Variants in ASXL1 observed in about 807,000 individuals in gnomAD.
ASXL1 encodes polycomb group protein ASXL1.
Under a neutral mutation model 89.1 loss-of-function variants are expected in ASXL1, and 65 were observed. The ratio of observed to expected loss-of-function variants is 0.73; its 90% CI spans 0.60 to 0.90. The LOEUF (loss-of-function observed/expected upper bound fraction) is 0.90, where lower values mean the gene tolerates loss of function less well. Among genes scored for constraint, ASXL1 ranks in the 40% least tolerant of loss-of-function variants. The pLI, the probability that ASXL1 is intolerant of heterozygous loss-of-function variation, is 0.00. For missense variants in ASXL1, 1,786 were observed against 1,942.9 expected (o/e 0.92, Z 1.52); for synonymous variants, 739 against 746.9 (o/e 0.99, Z 0.17).
intron 4 of ASXL1, among the ~76,000 whole-genome samples, chr20:32,400,158 T>A (rs1404402455): frequency 1.3e-5 from 2 of 152,178 alleles, no homozygotes; most frequent in African/African-American, 4.8e-5. Flanking sequence ...AATGCAGATA[T>A]AACTCTTATA....
intron 4 of ASXL1, among the ~76,000 whole-genome samples, chr20:32,399,578 C>T (rs1391106131): frequency 6.6e-6 from 1 of 150,654 alleles, no homozygotes; most frequent in East Asian, 2.0e-4. Flanking sequence ...ACTCTTTATC[C>T]AAACATTAGG....
chr20:32,371,001 G>A lies in ASXL1; in HGVS notation c.252+1878G>A, dbSNP rs541369598. On this transcript the variant is annotated intron_variant, in intron 4 of 12. Coordinates refer to ENST00000375687, the MANE Select transcript of ASXL1 (RefSeq NM_015338.6). Reference sequence around the variant, plus strand: ...AAAAAAAAAAAAAGCCTTGCGTGGTGGTGTGTGTGCTTATAGTCTTAGCTA... The same window carrying A: ...AAAAAAAAAAAAAGCCTTGCGTGGTAGTGTGTGTGCTTATAGTCTTAGCTA... Among the ~76,000 whole-genome samples, 9 of 150,334 alleles carry A rather than the reference G, an allele frequency of 6.0e-5. No individual in the cohort carries two copies. The South Asian group carries it at 1.5e-3, about 25-fold the overall frequency.
At chr20:32,359,090 C>G in intron 1 of ASXL1, 2 of 593,302 alleles carry the variant, frequency 3.4e-6, no homozygotes, top group Non-Finnish European at 6.0e-6. Flanking sequence ...GGCGAGCTGG[C>G]AGGCCGGCTC....
chr20:32,416,897 A>G (rs946015291), intron 4 of ASXL1, among the ~76,000 whole-genome samples: 9 of 152,242 alleles, frequency 5.9e-5, no homozygotes, highest in Admixed American at 2.6e-4. Context: ...ATCAAGTTTT[A>G]TGCTTAAAAA....
Position 32,437,425 on chromosome 20 carries a change from A to C in ASXL1, c.*87A>C. ...TAAATCTGTATACAGAATATCATTG[A>C]TATAATACTCTTTAGGCAGGAGCAC... is the stretch of plus-strand genomic sequence containing the variant. On this transcript the variant is annotated 3_prime_UTR_variant, in exon 13 of 13. Coordinates refer to ENST00000375687, the MANE Select transcript of ASXL1 (RefSeq NM_015338.6). 6.4e-7 allele frequency: 1 copy of C among 1,571,198 alleles called. No individual in the cohort carries two copies. The highest frequency in any genetic ancestry group is 8.8e-7 in the Non-Finnish European group (1 of 1,142,818).
intron 10 of ASXL1, chr20:32,432,572 T>TAA (rs1195862874): frequency 1.9e-5 from 7 of 359,444 alleles, no homozygotes. Context: ...GGGCTGTTCT[T>TAA]TTAAGTAGGC....
chr20:32,398,690 A>G (rs1208997864), intron 4 of ASXL1, among the ~76,000 whole-genome samples: 1 of 147,800 alleles, frequency 6.8e-6, no homozygotes, highest in East Asian at 2.0e-4. Flanking sequence ...GCTCACTGCA[A>G]GCTCCACCTG....
Position 32,434,700 on chromosome 20 carries a change from G to A in ASXL1, c.1988G>A (p.Ser663Asn), listed in dbSNP as rs763013543. Residue 663 changes from serine to asparagine, a missense_variant, in exon 13 of 13, where the codon AGC (serine) becomes AAC (asparagine). Transcript: ENST00000375687. ...GATDEGGGRG[S>N]SSGDGGEACG... ...ACCGATGAGGGAGGTGGCAGAGGCAGCAGCAGTGGTGATGGTGGTGAGGCC... is the reference window on the plus strand; with the variant it reads ...ACCGATGAGGGAGGTGGCAGAGGCAACAGCAGTGGTGATGGTGGTGAGGCC... The A allele has an allele frequency of 1.9e-6, 3 of 1,606,962 alleles. No homozygotes were observed. The Admixed American group carries it at 5.1e-5, about 27-fold the overall frequency.
At chr20:32,412,857 G>C (rs2049074579) in intron 4 of ASXL1, among the ~76,000 whole-genome samples, 1 of 152,060 alleles carries the variant, frequency 6.6e-6, no homozygotes. Context: ...CTGTCCCCAG[G>C]TCAAGAAAAC....
At chr20:32,375,970 CA>C (rs2048371199) in intron 4 of ASXL1, among the ~76,000 whole-genome samples, 1 of 152,032 alleles carries the variant, frequency 6.6e-6, no homozygotes, top group African/African-American at 2.4e-5. Flanking sequence ...AGGTGTGAGC[CA>C]CCAGGCCTGG....
At chr20:32,416,902 T>TA (rs978122711) in intron 4 of ASXL1, among the ~76,000 whole-genome samples, 3 of 152,234 alleles carry the variant, frequency 2.0e-5, no homozygotes, top group Non-Finnish European at 4.4e-5. Flanking sequence ...GTTTTATGCT[T>TA]AAAAAGTCTG....
At chr20:32,382,608 C>CAAAAAA (rs11347237) in intron 4 of ASXL1, among the ~76,000 whole-genome samples, 2 of 95,984 alleles carry the variant, frequency 2.1e-5, no homozygotes, top group African/African-American at 4.3e-5. Flanking sequence ...CTCGTCTCTA[C>CAAAAAA]AAAAAAAAAA....
chr20:32,434,625 C>T lies in ASXL1; in HGVS notation c.1913C>T (p.Thr638Ile). The change falls in exon 13 of 13, where the codon ACC becomes ATC. Residue 638 changes from threonine to isoleucine, a missense_variant. This residue lies in a region of ASXL1 where 1,418 missense variants were observed against 1,427.8 expected (regional missense o/e 0.99). Transcript: ENST00000375687. The stretch of plus-strand genomic sequence containing the variant: ...CACCACTGCCATAGAGAGGCGGCCA[C>T]CACTGCCATCGGAGGGGGGGGTGGC... Reference protein sequence around the residue: ...RGHHCHREAATTAIGGGGGPG... With the variant: ...RGHHCHREAAITAIGGGGGPG... The T allele has an allele frequency of 1.2e-6, 2 of 1,609,492 alleles. No individual in the cohort carries two copies. The highest frequency in any genetic ancestry group is 1.7e-6 in the Non-Finnish European group (2 of 1,177,830).
rs1322511210 is a variant in ASXL1, at chr20:32,429,415, C to T, written c.549C>T (p.His183=). 1.9e-6 allele frequency: 3 copies of T among 1,614,010 alleles called. No homozygotes were observed. Among genetic ancestry groups the T allele is most frequent in the Non-Finnish European group, 2.5e-6 (3 of 1,179,918 alleles). ...VLTPLKVNGA[H]VESASGFSGC... is the part of the protein sequence containing the mutation. Reference sequence around the variant, plus strand: ...CTCCTCTGAAGGTAAACGGGGCCCACGTGGAATCTGCATCAGGTATGTGTA... The same window carrying T: ...CTCCTCTGAAGGTAAACGGGGCCCATGTGGAATCTGCATCAGGTATGTGTA... Residue 183 remains histidine (H), a synonymous_variant, in exon 7 of 13, where the codon CAC becomes CAT. Coordinates refer to ENST00000375687, the MANE Select transcript of ASXL1 (RefSeq NM_015338.6). The surrounding 1 kb of genome is among the most constrained non-coding windows in gnomAD (Gnocchi z 4.9).
chr20:32,363,784 C>G (rs996626890), intron 1 of ASXL1, among the ~76,000 whole-genome samples: 2 of 152,164 alleles, frequency 1.3e-5, no homozygotes, highest in Non-Finnish European at 2.9e-5. Context: ...CTGGTGACAA[C>G]ACATAGCAGG....
At chr20:32,361,483 C>A (rs938981583) in intron 1 of ASXL1, among the ~76,000 whole-genome samples, 1 of 151,210 alleles carries the variant, frequency 6.6e-6, no homozygotes, top group African/African-American at 2.4e-5. Flanking sequence ...ACTAAAAATA[C>A]AAAAATTAGC....
intron 4 of ASXL1, among the ~76,000 whole-genome samples, chr20:32,381,158 C>T (rs2048479460): frequency 6.6e-6 from 1 of 152,140 alleles, no homozygotes; most frequent in Non-Finnish European, 1.5e-5. Flanking sequence ...TGGCTGCATG[C>T]AACCAAAAAA....
chr20:32,376,516 TCCACCCACCGCAG>T (rs1569252497), intron 4 of ASXL1, among the ~76,000 whole-genome samples: 2 of 151,996 alleles, frequency 1.3e-5, no homozygotes, highest in African/African-American at 2.4e-5. Context: ...CCTCAGGTGA[TCCACCCACCGCAG>T]CCCCCCAAAG....
intron 4 of ASXL1, among the ~76,000 whole-genome samples, chr20:32,409,088 C>T (rs1476001349): frequency 6.6e-6 from 1 of 152,138 alleles, no homozygotes; most frequent in Non-Finnish European, 1.5e-5. Flanking sequence ...ATTCACCTGC[C>T]TCAGCCTCCC....
Sources: allele counts gnomAD v4.1 joint callset (sites outside exome capture counted in the v4.1 genomes callset), GRCh38; gene constraint gnomAD v4.1.1; regional missense constraint gnomAD v4.1.1; non-coding constraint Gnocchi (gnomAD v3.1); transcripts MANE v1.5; gene names NCBI Gene and HGNC (gene_info 2026-07-23, HGNC 2026-07-21).